Variants in DPP10 observed in about 807,000 individuals in gnomAD.
The protein encoded by DPP10 is inactive dipeptidyl peptidase 10.
Under a neutral mutation model 120.9 loss-of-function variants are expected in DPP10, and 33 were observed. The observed-to-expected ratio is 0.27, with a 90% CI of 0.21 to 0.37. The LOEUF (loss-of-function observed/expected upper bound fraction) is 0.37. Among genes scored for constraint, DPP10 ranks in the 10% least tolerant of loss-of-function variants. The probability of loss-of-function intolerance (pLI) is 1.00; values close to 1 mark genes in which losing one functional copy is unlikely to be tolerated. For synonymous variants in DPP10, 337 were observed against 326.1 expected (o/e 1.03, Z -0.36); for missense variants, 816 against 942.8 (o/e 0.87, Z 1.76).
intron 2 of DPP10, among the ~76,000 whole-genome samples, chr2:115,326,613 C>A (rs1419057225): frequency 2.0e-5 from 3 of 151,870 alleles, no homozygotes; most frequent in African/African-American, 7.3e-5. Flanking sequence ...ACCCTGAAGA[C>A]CTTCTAGTGG....
intron 1 of DPP10, among the ~76,000 whole-genome samples, chr2:114,459,103 T>A (rs1678730093): frequency 6.6e-6 from 1 of 152,186 alleles, no homozygotes; most frequent in East Asian, 1.9e-4. Context: ...CTAAAAATGT[T>A]AAGGAATGTA....
At chr2:115,251,094 A>T (rs2058731743) in intron 1 of DPP10, among the ~76,000 whole-genome samples, 1 of 152,202 alleles carries the variant, frequency 6.6e-6, no homozygotes, top group Non-Finnish European at 1.5e-5. Context: ...TAACAGTGGT[A>T]GCTGCCAGGG....
chr2:115,112,373 AT>A (rs976254690), intron 1 of DPP10, among the ~76,000 whole-genome samples: 10 of 151,640 alleles, frequency 6.6e-5, no homozygotes, highest in Admixed American at 3.3e-4. Context: ...ATTTTACATT[AT>A]TTTTCTTTTA....
At chr2:114,974,217 C>A (rs1229316894) in intron 1 of DPP10, among the ~76,000 whole-genome samples, 1 of 152,134 alleles carries the variant, frequency 6.6e-6, no homozygotes, top group Non-Finnish European at 1.5e-5. Context: ...AAGCTCCATT[C>A]ATGATAAGTG....
chr2:115,807,865 A>T (rs1449720435), intron 19 of DPP10, among the ~76,000 whole-genome samples: 1 of 152,088 alleles, frequency 6.6e-6, no homozygotes, highest in African/African-American at 2.4e-5. Flanking sequence ...AAAAATTCTG[A>T]TTGAGGAAAA....
At chr2:114,845,873 A>G (rs967410634) in intron 1 of DPP10, among the ~76,000 whole-genome samples, 1 of 152,188 alleles carries the variant, frequency 6.6e-6, no homozygotes, top group Non-Finnish European at 1.5e-5. Context: ...GGCAAACTCC[A>G]CTTAAACCTC....
chr2:114,800,252 A>G (rs1396584145), intron 1 of DPP10, among the ~76,000 whole-genome samples: 4 of 152,236 alleles, frequency 2.6e-5, no homozygotes, highest in South Asian at 4.1e-4. Context: ...AAAGATAGTC[A>G]TTAATAACAA....
rs1004197693 is a variant in DPP10 at position 115,842,540 on chromosome 2, C to A, written c.*195C>A. The A allele has an allele frequency of 1.9e-6, 1 of 535,994 alleles. No individual in the cohort carries two copies. The highest frequency in any genetic ancestry group is 2.9e-6 in the Non-Finnish European group (1 of 343,242). 33.2% of individuals were successfully genotyped at this position (535,994 alleles called of 1,614,324 possible). On this transcript the variant is annotated 3_prime_UTR_variant, in exon 26 of 26. Transcript: ENST00000410059. The stretch of plus-strand genomic sequence containing the variant: ...TACTGTGTTGCTAGGGGTGCAGAAC[C>A]CGTTTCTTTGTATGAGAGAGGTCAA...
At chr2:115,214,767 A>G (rs1220004666) in intron 1 of DPP10, among the ~76,000 whole-genome samples, 4 of 152,092 alleles carry the variant, frequency 2.6e-5, no homozygotes, top group Non-Finnish European at 5.9e-5. Flanking sequence ...TTCTGTATCA[A>G]CTCATCACAG....
intron 1 of DPP10, among the ~76,000 whole-genome samples, chr2:114,849,728 A>G (rs1688806182): frequency 6.6e-6 from 1 of 152,152 alleles, no homozygotes; most frequent in Non-Finnish European, 1.5e-5. Context: ...AGAAAAGTGG[A>G]TATCAAAACA....
intron 1 of DPP10, among the ~76,000 whole-genome samples, chr2:114,880,120 G>A (rs897540690): frequency 6.6e-6 from 1 of 152,172 alleles, no homozygotes; most frequent in African/African-American, 2.4e-5. Context: ...GGAAATAATT[G>A]AGGCTGTGAA....
chr2:115,109,588 T>C (rs1424555472), intron 1 of DPP10, among the ~76,000 whole-genome samples: 2 of 152,082 alleles, frequency 1.3e-5, no homozygotes, highest in Non-Finnish European at 2.9e-5. Flanking sequence ...GATGGTGACG[T>C]ACAAAGAAAA....
chr2:115,668,670 G>A (rs1164042710), intron 5 of DPP10, among the ~76,000 whole-genome samples: 2 of 152,020 alleles, frequency 1.3e-5, no homozygotes, highest in Non-Finnish European at 2.9e-5. Flanking sequence ...GGTCTGTCAG[G>A]TAGTTTCTCT....
intron 1 of DPP10, among the ~76,000 whole-genome samples, chr2:114,971,791 C>T (rs973891477): frequency 1.2e-4 from 19 of 152,230 alleles, no homozygotes; most frequent in South Asian, 6.2e-4. Flanking sequence ...AAGAAGATAA[C>T]GATCAACCTT....
chr2:114,524,610 A>T (rs776471567), intron 1 of DPP10, among the ~76,000 whole-genome samples: 2 of 152,242 alleles, frequency 1.3e-5, no homozygotes, highest in Non-Finnish European at 2.9e-5. Context: ...GCATAGCCGT[A>T]GCTCTCAAGG....
chr2:114,973,361 T>TA (rs967139556), intron 1 of DPP10, among the ~76,000 whole-genome samples: 2 of 151,184 alleles, frequency 1.3e-5, no homozygotes, highest in Admixed American at 1.3e-4. Flanking sequence ...TCCTACTTAT[T>TA]AAAAAAAAGT....
intron 1 of DPP10, among the ~76,000 whole-genome samples, chr2:114,525,477 G>A (rs1685424424): frequency 1.3e-5 from 2 of 152,146 alleles, no homozygotes; most frequent in Non-Finnish European, 2.9e-5. Flanking sequence ...AAAGCATGGA[G>A]CTAAGCAATT....
intron 1 of DPP10, among the ~76,000 whole-genome samples, chr2:115,264,162 T>C (rs536906174): frequency 6.6e-6 from 1 of 152,338 alleles, no homozygotes; most frequent in African/African-American, 2.4e-5. Flanking sequence ...TTTAATTTGG[T>C]GGACATATTC....
chr2:115,027,822 T>C (rs1275068371), intron 1 of DPP10, among the ~76,000 whole-genome samples: 1 of 152,082 alleles, frequency 6.6e-6, no homozygotes, highest in African/African-American at 2.4e-5. Context: ...TTCCTATTCC[T>C]TCATGGTTCA....
Sources: gnomAD v4.1 joint callset for allele counts (sites outside exome capture counted in the v4.1 genomes callset) on GRCh38, gnomAD v4.1.1 for gene constraint, MANE v1.5 for transcripts, NCBI Gene and HGNC (gene_info 2026-07-23, HGNC 2026-07-21) for gene names.